Variants in DYNC2H1 observed in about 807,000 individuals in gnomAD.
The protein encoded by DYNC2H1 is cytoplasmic dynein 2 heavy chain 1.
A neutral mutation model predicts 570.0 loss-of-function variants in DYNC2H1; 410 were observed. The observed-to-expected ratio is 0.72, with a 90% confidence interval of 0.66 to 0.78. DYNC2H1 has a LOEUF of 0.78. Ranked by LOEUF, DYNC2H1 falls within the 30% of genes least tolerant of loss-of-function variation. The pLI, the probability that DYNC2H1 is intolerant of heterozygous loss-of-function variation, is 0.00. For synonymous variants in DYNC2H1, 1,688 were observed against 1,677.6 expected (o/e 1.01, Z -0.15); for missense variants, 4,865 against 5,046.4 (o/e 0.96, Z 1.09).
At chr11:103,456,974 G>A (rs772593597) in intron 87 of DYNC2H1, among the ~76,000 whole-genome samples, 1 of 152,156 alleles carries the variant, frequency 6.6e-6, no homozygotes, top group South Asian at 2.1e-4. Flanking sequence ...TAGTTCATTT[G>A]TGTATGTGCA....
chr11:103,248,604 A>G (rs1465064682), intron 65 of DYNC2H1, among the ~76,000 whole-genome samples: 1 of 152,104 alleles, frequency 6.6e-6, no homozygotes, highest in Non-Finnish European at 1.5e-5. Context: ...GAATGGTCAT[A>G]GTAAACCTTC....
At chr11:103,198,497 C>T (rs1488727316) in intron 48 of DYNC2H1, among the ~76,000 whole-genome samples, 2 of 152,102 alleles carry the variant, frequency 1.3e-5, no homozygotes, top group Non-Finnish European at 2.9e-5. Flanking sequence ...TCCACTGAAA[C>T]TTTGAGTAGT....
chr11:103,207,322 A>G (rs896390724), intron 52 of DYNC2H1, among the ~76,000 whole-genome samples: 1 of 151,896 alleles, frequency 6.6e-6, no homozygotes, highest in South Asian at 2.1e-4. Flanking sequence ...TATGTGATGC[A>G]AAACAGGGAA....
At chr11:103,230,776 G>A (rs1217031844) in intron 59 of DYNC2H1, among the ~76,000 whole-genome samples, 2 of 152,012 alleles carry the variant, frequency 1.3e-5, no homozygotes, top group Non-Finnish European at 2.9e-5. Context: ...ATGCTGAGGT[G>A]GGAAGATTGC....
At chr11:103,366,266 G>C (rs1940903549) in intron 83 of DYNC2H1, among the ~76,000 whole-genome samples, 1 of 152,118 alleles carries the variant, frequency 6.6e-6, no homozygotes, top group African/African-American at 2.4e-5. Flanking sequence ...CCAAGTTCTT[G>C]AGCACATGTG....
chr11:103,399,112 T>C (rs1010275058), intron 83 of DYNC2H1, among the ~76,000 whole-genome samples: 2 of 151,500 alleles, frequency 1.3e-5, no homozygotes, highest in Non-Finnish European at 2.9e-5. Context: ...TCCCTTTCAC[T>C]GTTCTTAATT....
intron 65 of DYNC2H1, among the ~76,000 whole-genome samples, chr11:103,246,592 GT>G (rs1353416997): frequency 6.6e-5 from 10 of 152,178 alleles, no homozygotes; most frequent in African/African-American, 1.9e-4. Flanking sequence ...GGAAAAGAGA[GT>G]TAACCATTGC....
chr11:103,111,567 A>G (rs1413903332), intron 1 of DYNC2H1, among the ~76,000 whole-genome samples: 1 of 152,186 alleles, frequency 6.6e-6, no homozygotes, highest in African/African-American at 2.4e-5. Flanking sequence ...CAAATGATAA[A>G]ATCAGGACAC....
intron 38 of DYNC2H1, among the ~76,000 whole-genome samples, chr11:103,178,537 G>C (rs1472228502): frequency 6.6e-6 from 1 of 151,934 alleles, no homozygotes; most frequent in African/African-American, 2.4e-5. Context: ...TCCCATTTTA[G>C]GAAAGATGGA....
chr11:103,345,562 G>A (rs138721047), intron 82 of DYNC2H1, among the ~76,000 whole-genome samples: 3 of 152,186 alleles, frequency 2.0e-5, no homozygotes, highest in South Asian at 4.1e-4. Context: ...ATTTTTTATT[G>A]CTGTGGAGAC....
In DYNC2H1 at chr11:103,241,590, A is replaced by G. The variant is rs752447740; in HGVS notation, c.9820-2103A>G. 1.3e-6 allele frequency: 2 copies of G among 1,490,268 alleles called. No homozygotes were observed. Among genetic ancestry groups the G allele is most frequent in the Non-Finnish European group, 1.8e-6 (2 of 1,086,150 alleles). 92.3% of individuals were successfully genotyped at this position (1,490,268 alleles called of 1,614,324 possible). A position where few individuals can be genotyped will look rare whatever the true frequency, so the allele number is the denominator to read the frequency against. The stretch of plus-strand genomic sequence containing the variant: ...ATTTAAAATAATTACTTTTGTAGTT[A>G]GGCAAAATGCAGAATTGTGAAATGT... On this transcript the variant is annotated intron_variant, in intron 63 of 88. Transcript: ENST00000375735. The surrounding 1 kb of genome is among the most constrained non-coding windows in gnomAD (Gnocchi z 5.1).
chr11:103,118,011 G>C, intron 6 of DYNC2H1, 148 bp downstream of exon 6: 1 of 587,686 alleles, frequency 1.7e-6, no homozygotes, highest in Non-Finnish European at 2.7e-6. Context: ...TGTTGGGCCA[G>C]TTTCTACATC....
intron 35 of DYNC2H1, 134 bp from the exon 36 acceptor site, chr11:103,173,921 C>A: frequency 1.6e-6 from 1 of 630,998 alleles, no homozygotes; most frequent in Non-Finnish European, 2.7e-6. Flanking sequence ...GTGGTTGCTT[C>A]CCTTATATAA....
chr11:103,179,424 G>C (rs1019621384), intron 39 of DYNC2H1, among the ~76,000 whole-genome samples, 191 bp downstream of exon 39: 1 of 151,744 alleles, frequency 6.6e-6, no homozygotes, highest in Non-Finnish European at 1.5e-5. Flanking sequence ...TATTTTAGGA[G>C]TTTTAGTTGT....
In DYNC2H1 at chr11:103,342,769, C is replaced by G. The variant is rs141232416; in HGVS notation, c.12040-15474C>G. ...TCCACCCGCCTTGGCCTCCCAAAGC[C>G]ACTGCACCTGGCTGGGTCTGTGCCA... is the stretch of plus-strand genomic sequence containing the variant. On this transcript the variant is annotated intron_variant, in intron 82 of 88. Transcript: ENST00000375735. Among the ~76,000 whole-genome samples, 756 of 151,972 alleles carry G rather than the reference C, an allele frequency of 5.0e-3. 2 individuals carry two copies. Among genetic ancestry groups the G allele is most frequent in the African/African-American group, 0.017 (723 of 41,462 alleles).
Position 103,245,935 on chromosome 11 carries a change from T to A in DYNC2H1, c.10042+561T>A, listed in dbSNP as rs1010578100. Among the ~76,000 whole-genome samples, 1 of 152,130 alleles carries A rather than the reference T, an allele frequency of 6.6e-6. No individual in the cohort carries two copies. The highest frequency in any genetic ancestry group is 1.5e-5 in the Non-Finnish European group (1 of 67,990). ...ACATACATATGTAGACGTGTACATA[T>A]ACGTACGTGAATGTATGCCACATAC... On this transcript the variant is annotated intron_variant, in intron 65 of 88. Transcript: ENST00000375735. This position sits in a 1 kb window ranked among gnomAD's most constrained non-coding sequence, Gnocchi z 4.5.
At chr11:103,321,008 A>G in intron 80 of DYNC2H1, 21 bp from the exon 81 acceptor site, 3 of 1,548,462 alleles carry the variant, frequency 1.9e-6, no homozygotes, top group Admixed American at 3.7e-5. Flanking sequence ...GAAATTAATG[A>G]GTGTTTTTTT....
At chr11:103,413,289 G>C (rs1481444444) in intron 84 of DYNC2H1, among the ~76,000 whole-genome samples, 1 of 152,096 alleles carries the variant, frequency 6.6e-6, no homozygotes, top group Admixed American at 6.6e-5. Context: ...TAGTTCTTAG[G>C]AAAGTTCTAC....
intron 75 of DYNC2H1, among the ~76,000 whole-genome samples, chr11:103,296,092 A>G (rs1866812383): frequency 6.6e-6 from 1 of 152,182 alleles, no homozygotes; most frequent in African/African-American, 2.4e-5. Context: ...TAGGAGTGGT[A>G]TAGGCAATCC....
Sources: gnomAD v4.1 joint callset for allele counts (sites outside exome capture counted in the v4.1 genomes callset) on GRCh38, gnomAD v4.1.1 for gene constraint, Gnocchi (gnomAD v3.1) non-coding constraint, MANE v1.5 for transcripts, NCBI Gene and HGNC (gene_info 2026-07-23, HGNC 2026-07-21) for gene names.